Variants in LETM1 observed in about 807,000 individuals in gnomAD.
LETM1 encodes mitochondrial proton/calcium exchanger protein.
A neutral mutation model predicts 74.5 loss-of-function variants in LETM1; 50 were observed. The observed-to-expected ratio is 0.67, with a 90% CI of 0.53 to 0.85. The LOEUF (loss-of-function observed/expected upper bound fraction) is 0.85, where lower values mean the gene tolerates loss of function less well. LETM1 is among the 40% of genes least tolerant of loss of function. The probability of loss-of-function intolerance (pLI) is 0.00; values close to 1 mark genes in which losing one functional copy is unlikely to be tolerated. For missense variants in LETM1, 824 were observed against 967.8 expected, an observed-to-expected ratio of 0.85 and a Z score of 1.97; for synonymous variants, 446 against 407.1, an observed-to-expected ratio of 1.10 and a Z score of -1.15.
rs1712398799 is a variant in LETM1, at chr4:1,834,612, C to G, written c.876+233G>C. 1 of 1,354,858 alleles carries G rather than the reference C, an allele frequency of 7.4e-7. No homozygotes were observed. The highest frequency in any genetic ancestry group is 1.7e-5 in the South Asian group (1 of 59,752). 83.9% of individuals were successfully genotyped at this position (1,354,858 alleles called of 1,614,324 possible). ...CAGCTGCAGGGTGATGAGACACAGA[C>G]GCCCATAATTCTGAAGGCTGACGAG... On this transcript the variant is annotated intron_variant, in intron 5 of 13. Coordinates refer to ENST00000302787, the MANE Select transcript of LETM1 (RefSeq NM_012318.3). This position sits in a 1 kb window ranked among gnomAD's most constrained non-coding sequence, Gnocchi z 5.0.
chr4:1,822,861 G>A (rs1711834655), intron 9 of LETM1, 127 bp downstream of exon 9: 1 of 994,172 alleles, frequency 1.0e-6, no homozygotes, highest in East Asian at 3.3e-5. Context: ...ACTCCAGGAG[G>A]AAATAAACAT....
intron 6 of LETM1, among the ~76,000 whole-genome samples, chr4:1,828,562 C>T (rs1333808644): frequency 8.4e-5 from 10 of 118,584 alleles, no homozygotes; most frequent in Non-Finnish European, 1.7e-4. Context: ...GGGGGCTGAC[C>T]CCCCCACCTC....
At position 1,829,291 on chromosome 4, in the gene LETM1, C is replaced by T. The variant is rs567934800; in HGVS notation, c.1080+3453G>A. Among the ~76,000 whole-genome samples, 111 of 137,754 alleles carry T rather than the reference C, an allele frequency of 8.1e-4. 1 individual carries two copies. The highest frequency in any genetic ancestry group is 2.4e-3 in the African/African-American group (84 of 35,690). The allele number at this position is 137,754 out of a possible 152,430, so 90.4% of individuals were successfully genotyped here. A position where few individuals can be genotyped will look rare whatever the true frequency, so the allele number is the denominator to read the frequency against. On this transcript the variant is annotated intron_variant, in intron 6 of 13. Coordinates refer to ENST00000302787, the MANE Select transcript of LETM1 (RefSeq NM_012318.3). ...GGGGCTCCTCACTTCCCAGTAGGGG[C>T]GGCCGGGCAGAGGCGCCCCTCACCT...
In LETM1 at chr4:1,834,370, TCAC is replaced by T; in HGVS notation, c.876+472_876+474del. On this transcript the variant is annotated intron_variant, in intron 5 of 13. Coordinates refer to ENST00000302787, the MANE Select transcript of LETM1 (RefSeq NM_012318.3). The surrounding 1 kb of genome is among the most constrained non-coding windows in gnomAD (Gnocchi z 5.0). ...TGCCGTCTCCCCATCCTCACCTCAC[TCAC>T]CACATGACCGCAGGAAACCTCAAGG... 1.0e-6 allele frequency: 1 copy of T among 989,022 alleles called. No homozygotes were observed. The highest frequency in any genetic ancestry group is 1.2e-6 in the Non-Finnish European group (1 of 832,486). The allele number at this position is 989,022 out of a possible 1,614,324, so 61.3% of individuals were successfully genotyped here. A position where few individuals can be genotyped will look rare whatever the true frequency, so the allele number is the denominator to read the frequency against.
intron 3 of LETM1, among the ~76,000 whole-genome samples, chr4:1,838,319 C>T (rs965111489): frequency 6.6e-5 from 10 of 151,914 alleles, no homozygotes; most frequent in Non-Finnish European, 1.5e-4. Flanking sequence ...AGGATGGTCT[C>T]GATCTCTTGA....
rs1418694307 is a variant in LETM1 at position 1,856,149 on chromosome 4, C to CGCGGG, written c.-204_-200dup. The CGCGGG allele has an allele frequency of 6.2e-6, 2 of 325,002 alleles. No homozygotes were observed. Among genetic ancestry groups the CGCGGG allele is most frequent in the East Asian group, 9.7e-5 (2 of 20,712 alleles). The allele number at this position is 325,002 out of a possible 1,614,324, so 20.1% of individuals were successfully genotyped here. A position where few individuals can be genotyped will look rare whatever the true frequency, so the allele number is the denominator to read the frequency against. ...TTGTCCCGGCACAGACGTCCGGAGG[C>CGCGGG]GCGGGGCGGGGCGGCCAGGCCGCGG... On this transcript the variant is annotated 5_prime_UTR_variant, in exon 1 of 14. Transcript: ENST00000302787.
At position 1,855,922 on chromosome 4, in the gene LETM1, C is replaced by T. The variant is rs1713226792; in HGVS notation, c.29G>A (p.Arg10His). ...CGGGAGGCGGGCGGGCGCCCGGCCGCGGCAGCTCCTCAGTAAGATGGACGC... is the reference window on the plus strand; with the variant it reads ...CGGGAGGCGGGCGGGCGCCCGGCCGTGGCAGCTCCTCAGTAAGATGGACGC... MASILLRSC[R>H]GRAPARLPPP... The change falls in exon 1 of 14, where the codon CGC becomes CAC. Residue 10 changes from arginine to histidine, a missense_variant. Arg to His is a conservative substitution (Grantham distance 29). Transcript: ENST00000302787. The T allele has an allele frequency of 8.1e-7, 1 of 1,237,110 alleles. No homozygotes were observed. Among genetic ancestry groups the T allele is most frequent in the Non-Finnish European group, 1.0e-6 (1 of 993,050 alleles). 76.6% of individuals were successfully genotyped at this position (1,237,110 alleles called of 1,614,324 possible).
chr4:1,848,715 C>CAAAAAA (rs927486416), intron 2 of LETM1, among the ~76,000 whole-genome samples: 2 of 43,892 alleles, frequency 4.6e-5, no homozygotes, highest in Admixed American at 2.8e-4. Context: ...GGCTCTGTCT[C>CAAAAAA]AAAAAAAAAA....
chr4:1,844,792 A>C (rs1712821138), intron 2 of LETM1, among the ~76,000 whole-genome samples: 1 of 151,246 alleles, frequency 6.6e-6, no homozygotes, highest in Non-Finnish European at 1.5e-5. Flanking sequence ...TCACACCTGT[A>C]ATCCCAGCAC....
intron 5 of LETM1, chr4:1,833,306 G>A (rs1712346114): frequency 1.4e-5 from 4 of 289,710 alleles, no homozygotes; most frequent in Non-Finnish European, 2.7e-5. Flanking sequence ...CCGACCTCAA[G>A]TCACCTGCCC....
At chr4:1,828,351 G>C (rs1712094773) in intron 6 of LETM1, among the ~76,000 whole-genome samples, 1 of 119,026 alleles carries the variant, frequency 8.4e-6, no homozygotes, top group Non-Finnish European at 1.8e-5. Context: ...CTCCCTCCCG[G>C]ACGGGGCGGC....
At chr4:1,817,522 C>T (rs1015418292) in intron 11 of LETM1, among the ~76,000 whole-genome samples, 1 of 152,004 alleles carries the variant, frequency 6.6e-6, no homozygotes, top group Non-Finnish European at 1.5e-5. Flanking sequence ...GATCACATCA[C>T]TGCACTTCAG....
chr4:1,855,354 C>A (rs949196747), intron 1 of LETM1, among the ~76,000 whole-genome samples: 1 of 152,238 alleles, frequency 6.6e-6, no homozygotes, highest in Non-Finnish European at 1.5e-5. Flanking sequence ...CCGGAGTCCC[C>A]GTGTTCCCCG....
chr4:1,811,643 C>G lies in LETM1; in HGVS notation c.*2781G>C, dbSNP rs1397665366. Reference sequence around the variant, plus strand: ...ACACTCCTGCCAGCACCGGGACCCACTGCGAACAAAGACAGAGCCGGCTCC... The same window carrying G: ...ACACTCCTGCCAGCACCGGGACCCAGTGCGAACAAAGACAGAGCCGGCTCC... On this transcript the variant is annotated 3_prime_UTR_variant, in exon 14 of 14. Coordinates refer to ENST00000302787, the MANE Select transcript of LETM1 (RefSeq NM_012318.3). The G allele has an allele frequency of 6.6e-6, 1 of 152,330 alleles. No homozygotes were observed. The highest frequency in any genetic ancestry group is 6.5e-5 in the Admixed American group (1 of 15,270). 9.4% of individuals were successfully genotyped at this position (152,330 alleles called of 1,614,324 possible). A position where few individuals can be genotyped will look rare whatever the true frequency, so the allele number is the denominator to read the frequency against.
chr4:1,816,184 C>T (rs1440653946), intron 12 of LETM1, among the ~76,000 whole-genome samples: 1 of 152,214 alleles, frequency 6.6e-6, no homozygotes, highest in Non-Finnish European at 1.5e-5. Context: ...GGGACGAGAG[C>T]ATGAGCAGGG....
At chr4:1,827,792 T>C (rs1186601534) in intron 6 of LETM1, among the ~76,000 whole-genome samples, 1 of 150,420 alleles carries the variant, frequency 6.6e-6, no homozygotes, top group Non-Finnish European at 1.5e-5. Flanking sequence ...CCGTTCTCAA[T>C]GAGCTGTTGG....
rs569879261 is a variant in LETM1 at position 1,825,558 on chromosome 4, A to G, written c.1200+6T>C. 1 of 1,608,842 alleles carries G rather than the reference A, an allele frequency of 6.2e-7. No individual in the cohort carries two copies. Among genetic ancestry groups the G allele is most frequent in the South Asian group, 1.1e-5 (1 of 90,916 alleles). ...CCGGCCTGGCACCAGGCCAATATTC[A>G]CGCACCTGCTTCAGCTGACCCCTCA... On this transcript the variant is annotated splice_donor_region_variant and intron_variant, in intron 7 of 13. Transcript: ENST00000302787.
chr4:1,823,816 A>G (rs779222178), intron 7 of LETM1, 41 bp from the exon 8 acceptor site: 14 of 1,577,006 alleles, frequency 8.9e-6, no homozygotes, highest in Admixed American at 1.7e-5. Flanking sequence ...CAGCCCCCCA[A>G]CCCTGCTGGC....
At chr4:1,822,869 C>CATGCAGGACAGAG (rs1157904442) in intron 9 of LETM1, 119 bp downstream of exon 9, 15 of 1,040,298 alleles carry the variant, frequency 1.4e-5, no homozygotes, top group African/African-American at 1.6e-5. Flanking sequence ...AGGAAATAAA[C>CATGCAGGACAGAG]ATGCAGGACA....
Sources: gnomAD v4.1 joint callset for allele counts (sites outside exome capture counted in the v4.1 genomes callset) on GRCh38, gnomAD v4.1.1 for gene constraint, Gnocchi (gnomAD v3.1) non-coding constraint, MANE v1.5 for transcripts, NCBI Gene and HGNC (gene_info 2026-07-23, HGNC 2026-07-21) for gene names.